The following CR1 variants were observed in gnomAD, a reference collection of about 807,000 sequenced individuals.
CR1 encodes complement C3b/C4b receptor 1 (Knops blood group).
CR1 carries 116 observed loss-of-function variants against 187.3 expected under a neutral mutation model. That is an observed-to-expected ratio of 0.62 (90% confidence interval 0.53 to 0.72). The LOEUF is 0.72. CR1 is among the 30% of genes least tolerant of loss of function. CR1 has a pLI of 0.00. For missense variants in CR1, 1,731 were observed against 2,110.7 expected, an observed-to-expected ratio of 0.82 and a Z score of 3.52; for synonymous variants, 576 against 747.1, an observed-to-expected ratio of 0.77 and a Z score of 3.73.
chr1:207,575,915 A>G (rs1660730732), intron 28 of CR1, among the ~76,000 whole-genome samples: 1 of 152,096 alleles, frequency 6.6e-6, no homozygotes, highest in African/African-American at 2.4e-5. Context: ...TAGCTCATTT[A>G]ACCAGCCCCC....
chr1:207,639,201 C>A (rs1029728318), intron 46 of CR1, among the ~76,000 whole-genome samples, 196 bp from the exon 47 acceptor site: 2 of 152,200 alleles, frequency 1.3e-5, no homozygotes, highest in Non-Finnish European at 2.9e-5. Flanking sequence ...TGAGACTGGG[C>A]AATTCTTTTT....
chr1:207,510,827 C>CTTTT (rs111843016), intron 3 of CR1, among the ~76,000 whole-genome samples: 1 of 130,902 alleles, frequency 7.6e-6, no homozygotes. Flanking sequence ...TTTTTACTTT[C>CTTTT]TTTTTTTTTT....
At chr1:207,510,197 A>C (rs1397147814) in intron 3 of CR1, among the ~76,000 whole-genome samples, 1 of 152,148 alleles carries the variant, frequency 6.6e-6, no homozygotes, top group Non-Finnish European at 1.5e-5. Flanking sequence ...ACAAGAGTGA[A>C]AATCTGTCTC....
Position 207,588,739 on chromosome 1 carries a change from G to A in CR1, c.5775G>A (p.Gln1925=). 1 of 1,611,976 alleles carries A rather than the reference G, an allele frequency of 6.2e-7. No homozygotes were observed. Among genetic ancestry groups the A allele is most frequent in the Non-Finnish European group, 8.5e-7 (1 of 1,179,030 alleles). ...TGGTGCATATAAACACAGATACACA[G>A]TTTGGATCAACAGTTAATTATTCTT... The part of the protein sequence containing the change: ...NGMVHINTDT[Q]FGSTVNYSCN... The change falls in exon 35 of 47, where the codon CAG becomes CAA. Residue 1925 remains glutamine (Q), a synonymous_variant. Coordinates refer to ENST00000367049, the MANE Select transcript of CR1 (RefSeq NM_000651.6).
In CR1 at chr1:207,524,319, A is replaced by C. The variant is rs561889663; in HGVS notation, c.886+310A>C. ...TTCCTCTGGCCGGGCACTATAATAC[A>C]GGCTACATGTGAATTTTAATCCTTA... On this transcript the variant is annotated intron_variant, in intron 5 of 46. Transcript: ENST00000367049. Among the ~76,000 whole-genome samples the C allele has an allele frequency of 1.3e-3, 200 of 152,182 alleles. 2 individuals carry two copies. Among genetic ancestry groups the C allele is most frequent in the African/African-American group, 4.6e-3 (189 of 41,432 alleles).
At chr1:207,629,911 T>C (rs1662590539) in intron 45 of CR1, among the ~76,000 whole-genome samples, 1 of 152,200 alleles carries the variant, frequency 6.6e-6, no homozygotes, top group Non-Finnish European at 1.5e-5. Context: ...ATGGAGATAA[T>C]AATAGTTCCT....
intron 4 of CR1, among the ~76,000 whole-genome samples, chr1:207,521,624 C>CT (rs139203101): frequency 0.035 from 3,071 of 88,304 alleles, 438 homozygotes; most frequent in African/African-American, 0.053. Context: ...TGCCCTCTTC[C>CT]TTTTTTTTTT....
At chr1:207,564,524 G>A (rs7521382) in intron 23 of CR1, among the ~76,000 whole-genome samples, 29,319 of 149,758 alleles carry the variant, frequency 0.2, 3,903 homozygotes, top group South Asian at 0.43. Context: ...TATCAGCCAG[G>A]CACGGTGGCT....
At chr1:207,577,418 T>C (rs956765025) in intron 28 of CR1, among the ~76,000 whole-genome samples, 3 of 152,232 alleles carry the variant, frequency 2.0e-5, no homozygotes, top group African/African-American at 7.2e-5. Flanking sequence ...AATATTTACT[T>C]CTGGTAATTT....
rs1359805183 is a variant in CR1 at position 207,496,221 on chromosome 1, C to A, written c.-47C>A. The A allele has an allele frequency of 1.2e-6, 2 of 1,613,178 alleles. No homozygotes were observed. The highest frequency in any genetic ancestry group is 1.7e-6 in the Non-Finnish European group (2 of 1,179,694). ...TTTCGCTGAGCTTTTCCTCTTATTT[C>A]AGTTTTCTTCGAGATCAAATCTGGT... On this transcript the variant is annotated 5_prime_UTR_variant, in exon 1 of 47. Transcript: ENST00000367049.
At position 207,617,594 on chromosome 1, in the gene CR1, TATATATATATATATATATAGAGAGAG is replaced by T. The variant is rs1192076971; in HGVS notation, c.6890-475_6890-450del. Among the ~76,000 whole-genome samples the T allele has an allele frequency of 4.8e-3, 199 of 41,462 alleles. 1 individual carries two copies. In the Middle Eastern group the frequency reaches 0.049, roughly 10 times the overall value. The allele number at this position is 41,462 out of a possible 152,430, so 27.2% of individuals were successfully genotyped here. On this transcript the variant is annotated intron_variant, in intron 41 of 46. Coordinates refer to ENST00000367049, the MANE Select transcript of CR1 (RefSeq NM_000651.6). ...GTGTGTGTGTATATATATATATATA[TATATATATATATATATATAGAGAGAG>T]AGAGAGAGAGAGAGAGAGAGAGAGA...
chr1:207,609,061 C>A (rs781583458), intron 36 of CR1, among the ~76,000 whole-genome samples: 5 of 151,458 alleles, frequency 3.3e-5, no homozygotes, highest in Non-Finnish European at 7.4e-5. Flanking sequence ...TATATAAACC[C>A]AAAAAAACAT....
At chr1:207,602,997 G>C (rs1433711830) in intron 35 of CR1, among the ~76,000 whole-genome samples, 1 of 152,036 alleles carries the variant, frequency 6.6e-6, no homozygotes, top group Non-Finnish European at 1.5e-5. Flanking sequence ...AATACTTCAA[G>C]AAATGGAAGA....
At chr1:207,496,922 C>A (rs1375030769) in intron 1 of CR1, among the ~76,000 whole-genome samples, 1 of 152,150 alleles carries the variant, frequency 6.6e-6, no homozygotes, top group Non-Finnish European at 1.5e-5. Context: ...CTATGTGTCC[C>A]CGAGTCCATT....
chr1:207,575,214 C>T (rs1334363018), intron 27 of CR1, among the ~76,000 whole-genome samples: 1 of 151,736 alleles, frequency 6.6e-6, no homozygotes, highest in Non-Finnish European at 1.5e-5. Flanking sequence ...CACACACACA[C>T]ACACACACAC....
At chr1:207,564,907 A>T (rs1470183087) in intron 23 of CR1, among the ~76,000 whole-genome samples, 1 of 150,496 alleles carries the variant, frequency 6.6e-6, no homozygotes, top group Non-Finnish European at 1.5e-5. Context: ...AGGATCCTTT[A>T]AGAATCATTT....
intron 4 of CR1, among the ~76,000 whole-genome samples, chr1:207,521,352 A>G (rs547149979): frequency 1.4e-4 from 21 of 152,090 alleles, no homozygotes; most frequent in Non-Finnish European, 1.8e-4. Context: ...TAATTCTTCA[A>G]ATGTTGTTTA....
chr1:207,509,850 C>T lies in CR1; in HGVS notation c.402-1719C>T, dbSNP rs533045854. On this transcript the variant is annotated intron_variant, in intron 3 of 46. Transcript: ENST00000367049. ...ACTTCATTTGTTCACATACTTCATA[C>T]TTGTGTTTATGTCTGTTGGCAGTGC... Among the ~76,000 whole-genome samples the T allele has an allele frequency of 1.2e-3, 185 of 152,240 alleles. 1 individual carries two copies. Among genetic ancestry groups the T allele is most frequent in the African/African-American group, 4.1e-3 (170 of 41,542 alleles).
At chr1:207,582,124 C>A in intron 32 of CR1, 121 bp downstream of exon 32, 2 of 597,846 alleles carry the variant, frequency 3.3e-6, no homozygotes, top group East Asian at 3.2e-5. Context: ...AGAAATTGTT[C>A]TTTGTTGGAA....
Sources: allele counts gnomAD v4.1 joint callset (sites outside exome capture counted in the v4.1 genomes callset), GRCh38; gene constraint gnomAD v4.1.1; transcripts MANE v1.5; gene names NCBI Gene and HGNC (gene_info 2026-07-23, HGNC 2026-07-21).